NARS2: variants seen among roughly 807,000 people sequenced by gnomAD.
The protein encoded by NARS2 is asparaginyl-tRNA synthetase.
NARS2 carries 60 observed loss-of-function variants against 62.9 expected under a neutral mutation model. That is an observed-to-expected ratio of 0.95 (90% confidence interval 0.77 to 1.18). NARS2 has a LOEUF of 1.18. NARS2 is among the 50% of genes most tolerant of loss of function. The pLI is 0.00. For missense variants in NARS2, 619 were observed against 576.4 expected, an observed-to-expected ratio of 1.07 and a Z score of -0.76; for synonymous variants, 196 against 200.0, an observed-to-expected ratio of 0.98 and a Z score of 0.17.
chr11:78,480,271 T>C (rs1859290291), intron 7 of NARS2, among the ~76,000 whole-genome samples: 1 of 152,128 alleles, frequency 6.6e-6, no homozygotes, highest in Admixed American at 6.5e-5. Flanking sequence ...ATTTTATTTA[T>C]TTATTGTTTT....
chr11:78,570,510 C>T (rs1856886838), intron 2 of NARS2, among the ~76,000 whole-genome samples: 1 of 152,148 alleles, frequency 6.6e-6, no homozygotes. Flanking sequence ...GCCTCAACCG[C>T]CCGAGTAGTG....
At chr11:78,440,364 G>A (rs930429292) in intron 13 of NARS2, among the ~76,000 whole-genome samples, 4 of 145,174 alleles carry the variant, frequency 2.8e-5, no homozygotes, top group African/African-American at 7.6e-5. Flanking sequence ...ATGCCCGGCC[G>A]AGCCAAGCAT....
intron 1 of NARS2, among the ~76,000 whole-genome samples, chr11:78,572,752 C>T (rs778454694): frequency 2.0e-5 from 3 of 152,124 alleles, no homozygotes; most frequent in East Asian, 1.9e-4. Flanking sequence ...TTTGTGGCCA[C>T]GTTAAACATA....
intron 5 of NARS2, among the ~76,000 whole-genome samples, chr11:78,531,130 A>G (rs570463988): frequency 1.3e-3 from 202 of 152,326 alleles, no homozygotes; most frequent in Non-Finnish European, 2.3e-3. Context: ...CAGAAAAATA[A>G]AAGAAAAAAA....
At chr11:78,478,362 A>C in intron 9 of NARS2, 76 bp downstream of exon 9, 1 of 608,982 alleles carries the variant, frequency 1.6e-6, no homozygotes. Context: ...AGCAGATATA[A>C]ATTTAAAAAA....
chr11:78,477,646 T>C (rs1859158525), intron 9 of NARS2, among the ~76,000 whole-genome samples: 1 of 152,198 alleles, frequency 6.6e-6, no homozygotes, highest in Non-Finnish European at 1.5e-5. Flanking sequence ...GTTTTTTGGA[T>C]GAAATTAATG....
At chr11:78,571,659 G>A in intron 1 of NARS2, 1 of 446,788 alleles carries the variant, frequency 2.2e-6, no homozygotes. Context: ...TCGTAATAAT[G>A]CACAACATTT....
Position 78,467,561 on chromosome 11 carries a change from A to AT in NARS2, c.1027-1549dup, listed in dbSNP as rs1480395459. 1.9e-4 allele frequency among the ~76,000 whole-genome samples: 28 copies of AT among 147,448 alleles called. No homozygotes were observed. The East Asian group carries it at 2.5e-3, about 13-fold the overall frequency. The stretch of plus-strand genomic sequence containing the variant: ...TTTCAAAAAATAAATAAATAAATAA[A>AT]TAAATAAATTAATTAATTAATTAAA... On this transcript the variant is annotated intron_variant, in intron 10 of 13. Coordinates refer to ENST00000281038, the MANE Select transcript of NARS2 (RefSeq NM_024678.6).
intron 5 of NARS2, among the ~76,000 whole-genome samples, chr11:78,544,298 A>C (rs896181255): frequency 2.6e-5 from 4 of 152,196 alleles, no homozygotes; most frequent in African/African-American, 7.2e-5. Flanking sequence ...AGTCCTTTTT[A>C]GAGGGAATGT....
chr11:78,545,387 C>A (rs954416883), intron 5 of NARS2, among the ~76,000 whole-genome samples: 1 of 152,156 alleles, frequency 6.6e-6, no homozygotes, highest in Admixed American at 6.6e-5. Flanking sequence ...TCGATCCATA[C>A]CTGCCTTCAT....
intron 5 of NARS2, among the ~76,000 whole-genome samples, chr11:78,549,728 G>A (rs1158566582): frequency 6.6e-6 from 1 of 152,138 alleles, no homozygotes; most frequent in Admixed American, 6.6e-5. Context: ...AGCTTAAGAG[G>A]TGGGTGTGGT....
intron 5 of NARS2, among the ~76,000 whole-genome samples, chr11:78,532,888 G>A (rs1861530944): frequency 6.6e-6 from 1 of 152,126 alleles, no homozygotes; most frequent in Non-Finnish European, 1.5e-5. Context: ...TAAAAATGTG[G>A]TAATACTTGT....
At chr11:78,495,599 G>A (rs933300339) in intron 6 of NARS2, among the ~76,000 whole-genome samples, 2 of 152,114 alleles carry the variant, frequency 1.3e-5, no homozygotes, top group African/African-American at 4.8e-5. Flanking sequence ...TGCTCATGCT[G>A]AATGAATGAG....
At chr11:78,495,034 T>G (rs114941565) in intron 6 of NARS2, among the ~76,000 whole-genome samples, 2 of 152,184 alleles carry the variant, frequency 1.3e-5, no homozygotes, top group Non-Finnish European at 2.9e-5. Context: ...GTGTAAACCT[T>G]TGTCTACTGC....
chr11:78,496,600 TAGAA>T (rs1860068344), intron 6 of NARS2, among the ~76,000 whole-genome samples: 1 of 152,056 alleles, frequency 6.6e-6, no homozygotes, highest in South Asian at 2.1e-4. Flanking sequence ...CTCAGAAAAT[TAGAA>T]AGAAAAATTT....
At chr11:78,553,771 T>C (rs1565279687) in intron 5 of NARS2, among the ~76,000 whole-genome samples, 3 of 152,246 alleles carry the variant, frequency 2.0e-5, no homozygotes, top group Admixed American at 2.0e-4. Context: ...ATCCAATTTG[T>C]CAATTTTTGC....
At chr11:78,521,634 C>A (rs1202020396) in intron 6 of NARS2, among the ~76,000 whole-genome samples, 1 of 151,916 alleles carries the variant, frequency 6.6e-6, no homozygotes, top group Non-Finnish European at 1.5e-5. Flanking sequence ...ACTAAACATA[C>A]AAAAAATTAG....
Position 78,520,951 on chromosome 11 carries a change from G to A in NARS2, c.689+7891C>T, listed in dbSNP as rs574612276. Among the ~76,000 whole-genome samples, 53 of 151,402 alleles carry A rather than the reference G, an allele frequency of 3.5e-4. 1 individual carries two copies. Among genetic ancestry groups the A allele is most frequent in the Non-Finnish European group, 6.0e-4 (41 of 67,904 alleles). ...TGGACACCTGTAATCCCAGCTACTC[G>A]AGAGGCTGAGGCAGGAAAATCGCTT... On this transcript the variant is annotated intron_variant, in intron 6 of 13. Transcript: ENST00000281038.
intron 7 of NARS2, among the ~76,000 whole-genome samples, chr11:78,489,799 T>C (rs957829206): frequency 6.6e-6 from 1 of 152,150 alleles, no homozygotes; most frequent in African/African-American, 2.4e-5. Flanking sequence ...ACATGTGTAA[T>C]CCCAACACTT....
Sources: allele counts gnomAD v4.1 joint callset (sites outside exome capture counted in the v4.1 genomes callset), GRCh38; gene constraint gnomAD v4.1.1; transcripts MANE v1.5; gene names NCBI Gene and HGNC (gene_info 2026-07-23, HGNC 2026-07-21).